The following DHTKD1 variants were observed in gnomAD, a reference collection of about 807,000 sequenced individuals.
DHTKD1 encodes 2-oxoadipate dehydrogenase complex component E1.
In DHTKD1, 78 loss-of-function variants were observed where a neutral mutation model predicts 101.8. The observed-to-expected ratio is 0.77, with a 90% CI of 0.64 to 0.93. DHTKD1 has a LOEUF of 0.93. Ranked by LOEUF, DHTKD1 falls within the 40% of genes least tolerant of loss-of-function variation. DHTKD1 has a pLI of 0.00. For synonymous variants in DHTKD1, 462 were observed against 450.3 expected (o/e 1.03, Z -0.33); for missense variants, 1,223 against 1,161.7 (o/e 1.05, Z -0.77).
chr10:12,087,532 C>T lies in DHTKD1; in HGVS notation c.523-3C>T, dbSNP rs1322072518. 1 of 1,588,488 alleles carries T rather than the reference C, an allele frequency of 6.3e-7. No homozygotes were observed. Among genetic ancestry groups the T allele is most frequent in the Non-Finnish European group, 8.6e-7 (1 of 1,166,752 alleles). On this transcript the variant is annotated splice_polypyrimidine_tract_variant and splice_region_variant and intron_variant, in intron 3 of 16. Transcript: ENST00000263035. The surrounding 1 kb of genome is among the most constrained non-coding windows in gnomAD (Gnocchi z 5.2). ...AGCTCACGTCTGACATGATGTTCTG[C>T]AGGAGTTTGACCACTTTCTGGCCAC...
intron 7 of DHTKD1, among the ~76,000 whole-genome samples, chr10:12,095,829 A>AAAAG (rs1554792527): frequency 1.2e-4 from 11 of 90,544 alleles, no homozygotes; most frequent in African/African-American, 5.1e-4. Context: ...AAAAAAAAAA[A>AAAAG]AAAAGAAAAG....
chr10:12,070,192 A>T (rs1704495883), intron 1 of DHTKD1, among the ~76,000 whole-genome samples: 1 of 152,166 alleles, frequency 6.6e-6, no homozygotes, highest in South Asian at 2.1e-4. Context: ...AGTCATGAAT[A>T]TCAGCTTTTG....
At chr10:12,102,422 CAAAAAAA>C (rs752816882) in intron 10 of DHTKD1, among the ~76,000 whole-genome samples, 2 of 64,838 alleles carry the variant, frequency 3.1e-5, no homozygotes, top group Admixed American at 1.7e-4. Flanking sequence ...GACTCTGTCT[CAAAAAAA>C]AAAAAAAAAA....
At position 12,097,949 on chromosome 10, in the gene DHTKD1, C is replaced by T. The variant is rs1450632093; in HGVS notation, c.1624C>T (p.Pro542Ser). The change falls in exon 8 of 17, where the codon CCA (proline) becomes TCA (serine). Residue 542 changes from proline (P) to serine (S), a missense_variant. Coordinates refer to ENST00000263035, the MANE Select transcript of DHTKD1 (RefSeq NM_018706.7). ...TGTTGGCATGAAGTCTGTAGAGGTG[C>T]CAAGAGAGCTGCAGATGCACAGTCA... ...RFVGMKSVEV[P>S]RELQMHSHLL... 6.2e-7 allele frequency: 1 copy of T among 1,613,794 alleles called. No homozygotes were observed. The highest frequency in any genetic ancestry group is 1.1e-5 in the South Asian group (1 of 91,054).
At chr10:12,101,232 TC>T in intron 10 of DHTKD1, 51 bp downstream of exon 10, 4 of 1,570,848 alleles carry the variant, frequency 2.5e-6, no homozygotes, top group Non-Finnish European at 3.5e-6. Flanking sequence ...CGATTACACT[TC>T]CAGGATTCTT....
At chr10:12,113,975 TAGC>T (rs1435595674) in intron 13 of DHTKD1, among the ~76,000 whole-genome samples, 1 of 151,634 alleles carries the variant, frequency 6.6e-6, no homozygotes, top group East Asian at 1.9e-4. Flanking sequence ...TTTTTTTTGA[TAGC>T]AGCAATTTGG....
Position 12,069,684 on chromosome 10 carries a change from C to CTTTTTT in DHTKD1, c.154+518_154+523dup, listed in dbSNP as rs11292752. Among the ~76,000 whole-genome samples, 8 of 25,478 alleles carry CTTTTTT rather than the reference C, an allele frequency of 3.1e-4. 1 individual carries two copies. Among genetic ancestry groups the CTTTTTT allele is most frequent in the Non-Finnish European group, 4.3e-4 (6 of 14,028 alleles). The allele number at this position is 25,478 out of a possible 152,430, so 16.7% of individuals were successfully genotyped here. A position where few individuals can be genotyped will look rare whatever the true frequency, so the allele number is the denominator to read the frequency against. On this transcript the variant is annotated intron_variant, in intron 1 of 16. Coordinates refer to ENST00000263035, the MANE Select transcript of DHTKD1 (RefSeq NM_018706.7). ...GACACAGAGGGATGACCACGCCCAG[C>CTTTTTT]TTTTTTTTTTTTTTTTTTTTTTTTT...
Position 12,072,488 on chromosome 10 carries a change from T to TAAATAAATAAATAC in DHTKD1, c.154+3314_154+3315insCAAATAAATAAATA, listed in dbSNP as rs1832666426. Among the ~76,000 whole-genome samples, 3 of 46,634 alleles carry TAAATAAATAAATAC rather than the reference T, an allele frequency of 6.4e-5. No individual in the cohort carries two copies. In the Admixed American group the frequency reaches 8.2e-4, roughly 13 times the overall value. The allele number at this position is 46,634 out of a possible 152,430, so 30.6% of individuals were successfully genotyped here. A position where few individuals can be genotyped will look rare whatever the true frequency, so the allele number is the denominator to read the frequency against. On this transcript the variant is annotated intron_variant, in intron 1 of 16. Transcript: ENST00000263035. ...ATAAATAAATAAATAAATAAATAAA[T>TAAATAAATAAATAC]AAATAAATAAATAAATACAAATAAA...
chr10:12,100,292 T>G lies in DHTKD1; in HGVS notation c.1756+30T>G, dbSNP rs752217609. The stretch of plus-strand genomic sequence containing the variant: ...GAATTTTCTTTTTTTTTTCTGTTTT[T>G]TTTTTTTTTGAGTCTCACCCTGTCG... On this transcript the variant is annotated intron_variant, in intron 9 of 16. Transcript: ENST00000263035. 3.5e-6 allele frequency: 3 copies of G among 868,112 alleles called. No homozygotes were observed. In the South Asian group the frequency reaches 5.4e-5, roughly 16 times the overall value. 53.8% of individuals were successfully genotyped at this position (868,112 alleles called of 1,614,324 possible). A position where few individuals can be genotyped will look rare whatever the true frequency, so the allele number is the denominator to read the frequency against.
chr10:12,120,097 A>G (rs1833500349), intron 15 of DHTKD1, 85 bp from the exon 16 acceptor site: 1 of 1,006,954 alleles, frequency 9.9e-7, no homozygotes, highest in East Asian at 2.4e-5. Context: ...AAAGTTGAAA[A>G]CTCCATCGTA....
At position 12,080,397 on chromosome 10, in the gene DHTKD1, C is replaced by T. The variant is rs115564782; in HGVS notation, c.155-1075C>T. 3.7e-3 allele frequency among the ~76,000 whole-genome samples: 561 copies of T among 151,550 alleles called. 4 individuals are homozygous for T. Among genetic ancestry groups the T allele is most frequent in the African/African-American group, 0.013 (534 of 41,390 alleles). Reference sequence around the variant, plus strand: ...AAATCATTCCACAGCAACACTTGTTCATAAAATGGACCTTATAAGTTTTAA... The same window carrying T: ...AAATCATTCCACAGCAACACTTGTTTATAAAATGGACCTTATAAGTTTTAA... On this transcript the variant is annotated intron_variant, in intron 1 of 16. Coordinates refer to ENST00000263035, the MANE Select transcript of DHTKD1 (RefSeq NM_018706.7).
chr10:12,070,484 T>C (rs1259723292), intron 1 of DHTKD1, among the ~76,000 whole-genome samples: 1 of 152,140 alleles, frequency 6.6e-6, no homozygotes, highest in East Asian at 1.9e-4. Flanking sequence ...CATATCTCTG[T>C]CTCTCTCTCT....
At chr10:12,109,459 T>TCGGC (rs1833296623) in intron 12 of DHTKD1, among the ~76,000 whole-genome samples, 1 of 150,692 alleles carries the variant, frequency 6.6e-6, no homozygotes, top group African/African-American at 2.4e-5. Flanking sequence ...TTCGGAGTCA[T>TCGGC]CAGCCACTAG....
chr10:12,089,394 T>A, intron 5 of DHTKD1, 139 bp downstream of exon 5: 1 of 890,350 alleles, frequency 1.1e-6, no homozygotes, highest in South Asian at 1.7e-5. Flanking sequence ...GGGATTGTTT[T>A]AAAAACTAAC....
At chr10:12,077,350 C>T (rs1832750002) in intron 1 of DHTKD1, among the ~76,000 whole-genome samples, 1 of 151,922 alleles carries the variant, frequency 6.6e-6, no homozygotes, top group Admixed American at 6.6e-5. Context: ...ACTTCATCTT[C>T]CTGAGTAGCT....
Position 12,069,019 on chromosome 10 carries a change from G to T in DHTKD1, c.-15G>T. The T allele has an allele frequency of 6.2e-7, 1 of 1,613,006 alleles. No individual in the cohort carries two copies. The highest frequency in any genetic ancestry group is 8.5e-7 in the Non-Finnish European group (1 of 1,179,582). ...GGCTCCCGCCTTAGCATGCTGGCCGGGACATCTGGTGAACATGGCCTCTGC... is the reference window on the plus strand; with the variant it reads ...GGCTCCCGCCTTAGCATGCTGGCCGTGACATCTGGTGAACATGGCCTCTGC... On this transcript the variant is annotated 5_prime_UTR_variant, in exon 1 of 17. Transcript: ENST00000263035.
chr10:12,100,287 G>GTTTTTTCTT, intron 9 of DHTKD1, 25 bp downstream of exon 9: 4 of 269,860 alleles, frequency 1.5e-5, no homozygotes, highest in African/African-American at 7.4e-5. Context: ...TTTTTTTTCT[G>GTTTTTTCTT]TTTTTTTTTT....
chr10:12,101,295 T>C (rs1371169791), intron 10 of DHTKD1, 114 bp downstream of exon 10: 3 of 1,191,776 alleles, frequency 2.5e-6, no homozygotes, highest in Admixed American at 2.7e-5. Context: ...CTTTTGGAAG[T>C]AAAGGAGTGC....
In DHTKD1 at chr10:12,084,693, A is replaced by G. The variant is rs1473839762; in HGVS notation, c.464A>G (p.Lys155Arg). 3.1e-6 allele frequency: 5 copies of G among 1,614,160 alleles called. No homozygotes were observed. Among genetic ancestry groups the G allele is most frequent in the Non-Finnish European group, 3.4e-6 (4 of 1,180,030 alleles). ...WFAKRFEELQ[K>R]ETFTTEERKH... ...GCCAAGCGGTTTGAGGAACTGCAAA[A>G]GGAGACGTTTACCACAGAAGAGCGA... The change falls in exon 3 of 17, where the codon AAG becomes AGG. Residue 155 changes from lysine to arginine, a missense_variant. By Grantham distance (26) the Lys-to-Arg change is conservative. Transcript: ENST00000263035.
Sources: allele counts gnomAD v4.1 joint callset (sites outside exome capture counted in the v4.1 genomes callset), GRCh38; gene constraint gnomAD v4.1.1; non-coding constraint Gnocchi (gnomAD v3.1); transcripts MANE v1.5; gene names NCBI Gene and HGNC (gene_info 2026-07-23, HGNC 2026-07-21).